The following CSMD1 variants were observed in gnomAD, a reference collection of about 807,000 sequenced individuals.
CSMD1 encodes the protein CUB and sushi domain-containing protein 1.
In CSMD1, 213 loss-of-function variants were observed where a neutral mutation model predicts 417.5. The observed-to-expected ratio is 0.51, with a 90% CI of 0.46 to 0.57. The LOEUF (loss-of-function observed/expected upper bound fraction) is 0.57, where lower values mean the gene tolerates loss of function less well. CSMD1 is among the 20% of genes least tolerant of loss of function. The pLI, the probability that CSMD1 is intolerant of heterozygous loss-of-function variation, is 0.00. For missense variants in CSMD1, 6,923 were observed against 4,529.7 expected, an observed-to-expected ratio of 1.53 and a Z score of -15.17; for synonymous variants, 2,862 against 1,736.8, an observed-to-expected ratio of 1.65 and a Z score of -16.11.
intron 49 of CSMD1, among the ~76,000 whole-genome samples, chr8:3,084,536 A>AAAAG (rs1814379741): frequency 6.6e-6 from 1 of 151,906 alleles, no homozygotes; most frequent in Non-Finnish European, 1.5e-5. Context: ...AAAAAAAAAA[A>AAAAG]AAAAAAATCT....
chr8:3,776,449 C>A (rs185526214), intron 5 of CSMD1, among the ~76,000 whole-genome samples: 384 of 152,314 alleles, frequency 2.5e-3, no homozygotes, highest in African/African-American at 9.0e-3. Context: ...CCTGTCTGGC[C>A]ACATTCTACT....
Position 3,131,819 on chromosome 8 carries a change from A to G in CSMD1, c.6241+10646T>C, listed in dbSNP as rs150594959. Among the ~76,000 whole-genome samples the G allele has an allele frequency of 7.1e-3, 1,078 of 152,302 alleles. 14 individuals carry two copies. Among genetic ancestry groups the G allele is most frequent in the African/African-American group, 0.025 (1,022 of 41,568 alleles). On this transcript the variant is annotated intron_variant, in intron 41 of 69. Transcript: ENST00000635120. ...TTGCCTGCCTTTAAAATGTAAGGAA[A>G]TGCTAAATATTAATTAAAGCTTAAG...
At chr8:4,439,158 GATT>G (rs1226517799) in intron 2 of CSMD1, among the ~76,000 whole-genome samples, 6 of 152,194 alleles carry the variant, frequency 3.9e-5, no homozygotes, top group South Asian at 2.1e-4. Context: ...CTGTGGTAAA[GATT>G]ATTTCAATTA....
intron 25 of CSMD1, among the ~76,000 whole-genome samples, chr8:3,298,286 T>C (rs1804121698): frequency 6.6e-6 from 1 of 152,214 alleles, no homozygotes; most frequent in Admixed American, 6.5e-5. Flanking sequence ...TGTCAAAGCA[T>C]ATTAAAAGCA....
rs1211593472 is a variant in CSMD1, at chr8:3,591,408, T to C, written c.1098-5148A>G. Among the ~76,000 whole-genome samples the C allele has an allele frequency of 2.0e-5, 3 of 152,300 alleles. No homozygotes were observed. The East Asian group carries it at 5.8e-4, about 29-fold the overall frequency. On this transcript the variant is annotated intron_variant, in intron 8 of 69. Coordinates refer to ENST00000635120, the MANE Select transcript of CSMD1 (RefSeq NM_033225.6). ...TAAACTATTTCCAAACACGCTTTAG[T>C]TGTAATACAAGCAATTTCTAAATAT...
At chr8:4,184,924 G>A (rs1584979477) in intron 3 of CSMD1, among the ~76,000 whole-genome samples, 1 of 150,146 alleles carries the variant, frequency 6.7e-6, no homozygotes, top group African/African-American at 2.5e-5. Flanking sequence ...GATCACCTGA[G>A]GTCAGGAGTT....
chr8:3,380,826 C>T (rs187414838), intron 18 of CSMD1, among the ~76,000 whole-genome samples: 1 of 151,400 alleles, frequency 6.6e-6, no homozygotes, highest in East Asian at 1.9e-4. Flanking sequence ...AACACCATGG[C>T]GTGTGTATAC....
chr8:3,307,747 T>G lies in CSMD1; in HGVS notation c.3898A>C (p.Asn1300His). 1 of 1,613,786 alleles carries G rather than the reference T, an allele frequency of 6.2e-7. No homozygotes were observed. Residue 1300 changes from asparagine to histidine, a missense_variant, in exon 25 of 70, where the codon AAC becomes CAC. Asn to His is a moderately conservative substitution (Grantham distance 68). Coordinates refer to ENST00000635120, the MANE Select transcript of CSMD1 (RefSeq NM_033225.6). The stretch of plus-strand genomic sequence containing the variant: ...ATAATCCAGGTGCAGTGGAGGTTGT[T>G]GTCATACGGAGCTGGATAGCCAGGG... ...LSPGYPAPYD[N>H]NLHCTWIIEA...
At chr8:4,176,002 G>T (rs1005633084) in intron 3 of CSMD1, among the ~76,000 whole-genome samples, 1 of 152,146 alleles carries the variant, frequency 6.6e-6, no homozygotes, top group African/African-American at 2.4e-5. Flanking sequence ...TGAGAGGCTA[G>T]CCCAGGCTTC....
chr8:3,923,393 C>A (rs537572256), intron 5 of CSMD1, among the ~76,000 whole-genome samples: 1 of 152,154 alleles, frequency 6.6e-6, no homozygotes, highest in East Asian at 1.9e-4. Context: ...CTTATTATAT[C>A]ATTTGCTTAT....
At chr8:4,647,411 C>G (rs1242935517) in intron 1 of CSMD1, among the ~76,000 whole-genome samples, 4 of 145,910 alleles carry the variant, frequency 2.7e-5, no homozygotes, top group Admixed American at 6.8e-5. Context: ...TAGGTAGGTA[C>G]GCGTGTGCCA....
At chr8:3,828,361 T>C (rs1213040022) in intron 5 of CSMD1, among the ~76,000 whole-genome samples, 1 of 152,204 alleles carries the variant, frequency 6.6e-6, no homozygotes, top group African/African-American at 2.4e-5. Flanking sequence ...CTGTTAGGAT[T>C]TTCATAGAAT....
intron 3 of CSMD1, among the ~76,000 whole-genome samples, chr8:4,125,100 G>A (rs923439464): frequency 3.6e-5 from 5 of 137,432 alleles, no homozygotes; most frequent in African/African-American, 1.1e-4. Flanking sequence ...TGAAGCCGGT[G>A]AGACCAGGAA....
intron 1 of CSMD1, among the ~76,000 whole-genome samples, chr8:4,658,308 A>C (rs539901118): frequency 1.6e-4 from 25 of 152,262 alleles, no homozygotes; most frequent in African/African-American, 5.8e-4. Flanking sequence ...ATTTTAATAA[A>C]ATTTTGAAAG....
rs1055909376 is a variant in CSMD1 at position 3,453,843 on chromosome 8, C to A, written c.1561+14869G>T. On this transcript the variant is annotated intron_variant, in intron 12 of 69. Transcript: ENST00000635120. Reference sequence around the variant, plus strand: ...TCTATTAGATCTGCTTGGTGCAGAGCTGACTTCAATTCCTGGATATCCTTG... The same window carrying A: ...TCTATTAGATCTGCTTGGTGCAGAGATGACTTCAATTCCTGGATATCCTTG... Among the ~76,000 whole-genome samples, 6 of 152,264 alleles carry A rather than the reference C, an allele frequency of 3.9e-5. No homozygotes were observed. The East Asian group carries it at 9.7e-4, about 25-fold the overall frequency.
chr8:4,395,032 A>G (rs776267253), intron 3 of CSMD1, among the ~76,000 whole-genome samples: 26 of 152,270 alleles, frequency 1.7e-4, no homozygotes, highest in Non-Finnish European at 3.4e-4. Context: ...TGCGTGGCAT[A>G]TCCCATATCC....
intron 2 of CSMD1, among the ~76,000 whole-genome samples, chr8:4,530,781 T>C (rs1796774066): frequency 6.6e-6 from 1 of 151,604 alleles, no homozygotes; most frequent in Non-Finnish European, 1.5e-5. Flanking sequence ...GTCTTTGCTA[T>C]TGACCCAGCA....
chr8:4,983,361 A>T (rs1416694238), intron 1 of CSMD1, among the ~76,000 whole-genome samples: 2 of 152,222 alleles, frequency 1.3e-5, no homozygotes, highest in African/African-American at 4.8e-5. Flanking sequence ...TATATTACAT[A>T]GACTGAGAAC....
chr8:4,786,837 G>A (rs1585096570), intron 1 of CSMD1, among the ~76,000 whole-genome samples: 1 of 152,050 alleles, frequency 6.6e-6, no homozygotes. Context: ...ACACAATTCA[G>A]ACTATGAATG....
Sources: gnomAD v4.1 joint callset for allele counts (sites outside exome capture counted in the v4.1 genomes callset) on GRCh38, gnomAD v4.1.1 for gene constraint, MANE v1.5 for transcripts, NCBI Gene and HGNC (gene_info 2026-07-23, HGNC 2026-07-21) for gene names.